RNF220: variants seen among roughly 807,000 people sequenced by gnomAD.
RNF220 encodes E3 ubiquitin-protein ligase RNF220.
Under a neutral mutation model 67.1 loss-of-function variants are expected in RNF220, and 7 were observed. The observed-to-expected ratio is 0.10, with a 90% CI of 0.06 to 0.20. The LOEUF (loss-of-function observed/expected upper bound fraction) is 0.20, where lower values mean the gene tolerates loss of function less well. RNF220 is among the 10% of genes least tolerant of loss of function. RNF220 has a pLI of 1.00. For missense variants in RNF220, 565 were observed against 740.3 expected, an observed-to-expected ratio of 0.76 and a Z score of 2.75; for synonymous variants, 270 against 283.2, an observed-to-expected ratio of 0.95 and a Z score of 0.47.
intron 2 of RNF220, among the ~76,000 whole-genome samples, chr1:44,539,256 A>G (rs867533802): frequency 6.6e-6 from 1 of 151,956 alleles, no homozygotes; most frequent in Non-Finnish European, 1.5e-5. Context: ...TTCTATTCCT[A>G]TGGTTCGCCG....
At position 44,596,605 on chromosome 1, in the gene RNF220, G is replaced by T. The variant is rs532202877; in HGVS notation, c.626-17560G>T. On this transcript the variant is annotated intron_variant, in intron 2 of 14. Transcript: ENST00000361799. ...AGTGCTTTGCACAGAGTAAGCATTT[G>T]ATTAGTGTTACCACTTCCCTCAGTC... 2.0e-5 allele frequency among the ~76,000 whole-genome samples: 3 copies of T among 152,096 alleles called. No individual in the cohort carries two copies. In the East Asian group the frequency reaches 5.8e-4, roughly 29 times the overall value.
intron 5 of RNF220, among the ~76,000 whole-genome samples, chr1:44,631,214 G>A (rs1038522323): frequency 1.3e-5 from 2 of 152,206 alleles, no homozygotes; most frequent in Non-Finnish European, 2.9e-5. Context: ...CGATGATAAC[G>A]GCGCAGAGAT....
At chr1:44,429,716 AGTT>A (rs1266877207) in intron 2 of RNF220, among the ~76,000 whole-genome samples, 6 of 152,206 alleles carry the variant, frequency 3.9e-5, no homozygotes, top group Non-Finnish European at 8.8e-5. Context: ...GATGGCCTAC[AGTT>A]GTTGATGAAG....
intron 2 of RNF220, among the ~76,000 whole-genome samples, chr1:44,538,727 C>A (rs1661433424): frequency 6.6e-6 from 1 of 151,984 alleles, no homozygotes; most frequent in Non-Finnish European, 1.5e-5. Context: ...ACCAGCCTGG[C>A]CAACATGGTG....
chr1:44,455,695 A>T (rs1366720793), intron 2 of RNF220, among the ~76,000 whole-genome samples: 1 of 152,166 alleles, frequency 6.6e-6, no homozygotes, highest in Non-Finnish European at 1.5e-5. Context: ...GAGAAGAAGA[A>T]CCCTGAAAAC....
At chr1:44,512,075 C>T (rs904135584) in intron 2 of RNF220, among the ~76,000 whole-genome samples, 7 of 152,262 alleles carry the variant, frequency 4.6e-5, no homozygotes, top group South Asian at 2.1e-4. Context: ...TTCAGGTTTT[C>T]GCTGTGGTTG....
Position 44,405,460 on chromosome 1 carries a change from C to T in RNF220, c.-188C>T, listed in dbSNP as rs1647247182. On this transcript the variant is annotated 5_prime_UTR_variant, in exon 1 of 15. Transcript: ENST00000361799. ...CTGCGAACCCGGGACTTTTCATGCA[C>T]CACACTCTCCGCCTGCTTCCCTCCG... 3 of 578,780 alleles carry T rather than the reference C, an allele frequency of 5.2e-6. No individual in the cohort carries two copies. The East Asian group carries it at 1.0e-4, about 19-fold the overall frequency. The allele number at this position is 578,780 out of a possible 1,614,324, so 35.9% of individuals were successfully genotyped here. A position where few individuals can be genotyped will look rare whatever the true frequency, so the allele number is the denominator to read the frequency against.
intron 2 of RNF220, among the ~76,000 whole-genome samples, chr1:44,597,864 T>C (rs1432410788): frequency 6.6e-6 from 1 of 152,056 alleles, no homozygotes; most frequent in South Asian, 2.1e-4. Flanking sequence ...CAGTGCGCTA[T>C]CTCCAGTCTC....
chr1:44,650,642 G>C lies in RNF220; in HGVS notation c.1630-62G>C. ...CAGAGAGACATGGCTGCAGGCCCAG[G>C]TGCTCACATGCGCACACATGGCTCA... On this transcript the variant is annotated intron_variant, in intron 14 of 14. Coordinates refer to ENST00000361799, the MANE Select transcript of RNF220 (RefSeq NM_018150.4). This position sits in a 1 kb window ranked among gnomAD's most constrained non-coding sequence, Gnocchi z 4.3. The C allele has an allele frequency of 2.6e-6, 4 of 1,556,214 alleles. No individual in the cohort carries two copies. Among genetic ancestry groups the C allele is most frequent in the Middle Eastern group, 1.7e-4 (1 of 5,914 alleles).
chr1:44,559,343 A>G (rs953512739), intron 2 of RNF220, among the ~76,000 whole-genome samples: 1 of 152,246 alleles, frequency 6.6e-6, no homozygotes, highest in African/African-American at 2.4e-5. Flanking sequence ...GGAGCAGCCA[A>G]TAGCCAGGAT....
At chr1:44,563,693 C>T (rs891124499) in intron 2 of RNF220, among the ~76,000 whole-genome samples, 8 of 152,180 alleles carry the variant, frequency 5.3e-5, no homozygotes, top group Non-Finnish European at 4.4e-5. Flanking sequence ...ACCTGTTTCA[C>T]CATCTACAAA....
intron 3 of RNF220, among the ~76,000 whole-genome samples, chr1:44,620,502 T>C (rs1643747418): frequency 6.6e-6 from 1 of 152,246 alleles, no homozygotes; most frequent in South Asian, 2.1e-4. Context: ...AGTGAACGAA[T>C]GATAAAAGCC....
chr1:44,543,411 G>A (rs1265690344), intron 2 of RNF220, among the ~76,000 whole-genome samples: 1 of 152,138 alleles, frequency 6.6e-6, no homozygotes, highest in Non-Finnish European at 1.5e-5. Context: ...TTGTCCAAGT[G>A]GCAAATAAAT....
intron 5 of RNF220, 155 bp from the exon 6 acceptor site, chr1:44,632,188 G>A (rs1644160806): frequency 6.3e-7 from 1 of 1,582,282 alleles, no homozygotes. Flanking sequence ...GAGGAGCAGA[G>A]GGGCCGGCGG....
chr1:44,449,530 C>T (rs1652452497), intron 2 of RNF220, among the ~76,000 whole-genome samples: 1 of 152,114 alleles, frequency 6.6e-6, no homozygotes, highest in Non-Finnish European at 1.5e-5. Flanking sequence ...CCACCTACCT[C>T]AGCCTCCCAA....
chr1:44,473,622 A>G (rs571969633), intron 2 of RNF220, among the ~76,000 whole-genome samples: 3 of 152,274 alleles, frequency 2.0e-5, no homozygotes, highest in Admixed American at 6.5e-5. Context: ...CTTTCTGGCC[A>G]GGGGCAAACC....
rs1309167040 is a variant in RNF220 at position 44,477,662 on chromosome 1, A to C, written c.625+64940A>C. Among the ~76,000 whole-genome samples, 4 of 152,302 alleles carry C rather than the reference A, an allele frequency of 2.6e-5. No individual in the cohort carries two copies. The South Asian group carries it at 6.2e-4, about 24-fold the overall frequency. ...TTGGCCAGGAACCTCTGCTCCTTGT[A>C]GTAGGTCTAATCCAAAGATGTTCAT... On this transcript the variant is annotated intron_variant, in intron 2 of 14. Coordinates refer to ENST00000361799, the MANE Select transcript of RNF220 (RefSeq NM_018150.4).
chr1:44,650,081 G>A lies in RNF220; in HGVS notation c.1629+124G>A. The A allele has an allele frequency of 9.7e-7, 1 of 1,029,764 alleles. No individual in the cohort carries two copies. Among genetic ancestry groups the A allele is most frequent in the Non-Finnish European group, 1.4e-6 (1 of 704,266 alleles). The allele number at this position is 1,029,764 out of a possible 1,614,324, so 63.8% of individuals were successfully genotyped here. ...GGCGCAAAGGAGAACAGAGCCAGGA[G>A]CCAGGATATTTACCCGCAGGATATT... is the stretch of plus-strand genomic sequence containing the variant. On this transcript the variant is annotated intron_variant, in intron 14 of 14. Coordinates refer to ENST00000361799, the MANE Select transcript of RNF220 (RefSeq NM_018150.4). This position sits in a 1 kb window ranked among gnomAD's most constrained non-coding sequence, Gnocchi z 4.3.
At chr1:44,413,896 ACT>A (rs1318358726) in intron 2 of RNF220, among the ~76,000 whole-genome samples, 2 of 152,112 alleles carry the variant, frequency 1.3e-5, no homozygotes, top group Non-Finnish European at 2.9e-5. Context: ...TGAATTAGGC[ACT>A]GTGTTAACTT....
Sources: gnomAD v4.1 joint callset for allele counts (sites outside exome capture counted in the v4.1 genomes callset) on GRCh38, gnomAD v4.1.1 for gene constraint, Gnocchi (gnomAD v3.1) non-coding constraint, MANE v1.5 for transcripts, NCBI Gene and HGNC (gene_info 2026-07-23, HGNC 2026-07-21) for gene names.